The following ITGA9 variants were observed in gnomAD, a reference collection of about 807,000 sequenced individuals.
ITGA9 encodes integrin alpha-9.
ITGA9 carries 56 observed loss-of-function variants against 127.8 expected under a neutral mutation model. The ratio of observed to expected loss-of-function variants is 0.44; its 90% confidence interval spans 0.35 to 0.55. The LOEUF (loss-of-function observed/expected upper bound fraction) is 0.55, where lower values mean the gene tolerates loss of function less well. Among genes scored for constraint, ITGA9 ranks in the 20% least tolerant of loss-of-function variants. The probability of loss-of-function intolerance (pLI) is 0.00; values close to 1 mark genes in which losing one functional copy is unlikely to be tolerated. For missense variants in ITGA9, 1,196 were observed against 1,347.1 expected (o/e 0.89, Z 1.76); for synonymous variants, 508 against 514.5 (o/e 0.99, Z 0.17).
At chr3:37,580,705 C>G (rs985298706) in intron 15 of ITGA9, among the ~76,000 whole-genome samples, 4 of 152,112 alleles carry the variant, frequency 2.6e-5, no homozygotes, top group African/African-American at 2.4e-5. Flanking sequence ...TGGATGTGCT[C>G]CTGTATGGCC....
chr3:37,506,460 T>G (rs1698844747), intron 7 of ITGA9, among the ~76,000 whole-genome samples: 1 of 152,230 alleles, frequency 6.6e-6, no homozygotes, highest in Non-Finnish European at 1.5e-5. Context: ...TTAATGGAGC[T>G]AGGTCCAGTC....
chr3:37,524,629 A>G (rs538095371), intron 12 of ITGA9, among the ~76,000 whole-genome samples: 73 of 152,334 alleles, frequency 4.8e-4, no homozygotes, highest in Non-Finnish European at 7.9e-4. Context: ...AGCATTTAAT[A>G]TGTACAAAAT....
At chr3:37,524,858 T>C (rs762505305) in intron 12 of ITGA9, among the ~76,000 whole-genome samples, 72 of 152,264 alleles carry the variant, frequency 4.7e-4, no homozygotes, top group Non-Finnish European at 1.6e-4. Flanking sequence ...ATTTCTGATC[T>C]TGTGTTTTTC....
At chr3:37,644,215 G>C (rs927648544) in intron 16 of ITGA9, among the ~76,000 whole-genome samples, 1 of 152,292 alleles carries the variant, frequency 6.6e-6, no homozygotes, top group South Asian at 2.1e-4. Context: ...GTCCCATGGG[G>C]CCAGGGCCTC....
intron 1 of ITGA9, among the ~76,000 whole-genome samples, chr3:37,462,715 C>T (rs147028861): frequency 8.2e-4 from 125 of 152,292 alleles, no homozygotes; most frequent in African/African-American, 2.9e-3. Context: ...AGGGCTTCTT[C>T]GGAGGGCATT....
chr3:37,639,862 G>A (rs1272585846), intron 16 of ITGA9, among the ~76,000 whole-genome samples: 1 of 152,126 alleles, frequency 6.6e-6, no homozygotes, highest in Non-Finnish European at 1.5e-5. Flanking sequence ...GGAAGTCCTG[G>A]CTGGTCCGTG....
intron 9 of ITGA9, among the ~76,000 whole-genome samples, chr3:37,515,569 C>G (rs765960021): frequency 2.6e-5 from 4 of 152,168 alleles, no homozygotes; most frequent in Non-Finnish European, 5.9e-5. Context: ...GAAACCCTGT[C>G]TCTACTAAAA....
intron 17 of ITGA9, among the ~76,000 whole-genome samples, chr3:37,673,239 C>T (rs1700653753): frequency 6.6e-6 from 1 of 152,192 alleles, no homozygotes; most frequent in Admixed American, 6.5e-5. Context: ...CCAGAGTTCT[C>T]ACACATGACA....
At chr3:37,594,662 G>A (rs953007251) in intron 15 of ITGA9, among the ~76,000 whole-genome samples, 3 of 152,184 alleles carry the variant, frequency 2.0e-5, no homozygotes, top group Admixed American at 1.3e-4. Context: ...TGTAAATGGT[G>A]ATAACAGTAC....
intron 9 of ITGA9, among the ~76,000 whole-genome samples, chr3:37,516,931 C>T (rs1389234783): frequency 6.6e-6 from 1 of 152,130 alleles, no homozygotes; most frequent in Non-Finnish European, 1.5e-5. Flanking sequence ...AAATTCATAC[C>T]TGAGCCATGC....
At chr3:37,494,227 T>G (rs1272870786) in intron 4 of ITGA9, among the ~76,000 whole-genome samples, 1 of 152,176 alleles carries the variant, frequency 6.6e-6, no homozygotes, top group Non-Finnish European at 1.5e-5. Context: ...TCCCACTTAA[T>G]GACTGTGGCT....
At chr3:37,808,123 G>A (rs559024331) in intron 27 of ITGA9, 2 of 152,116 alleles carry the variant, frequency 1.3e-5, no homozygotes, top group Non-Finnish European at 2.9e-5. Context: ...TCCCACCGCA[G>A]ACCAGCTTTC....
intron 11 of ITGA9, among the ~76,000 whole-genome samples, chr3:37,520,353 A>C (rs1438294838): frequency 5.3e-5 from 8 of 152,034 alleles, no homozygotes. Flanking sequence ...CTTTACCTTT[A>C]ATCCTCGCAG....
intron 15 of ITGA9, among the ~76,000 whole-genome samples, chr3:37,578,621 C>T (rs1699675850): frequency 1.3e-5 from 2 of 152,162 alleles, no homozygotes; most frequent in African/African-American, 2.4e-5. Context: ...AGACCATTCT[C>T]CCATTGGCCC....
intron 8 of ITGA9, among the ~76,000 whole-genome samples, chr3:37,510,545 G>T (rs558638632): frequency 8.2e-4 from 125 of 152,260 alleles, no homozygotes; most frequent in Non-Finnish European, 1.8e-4. Flanking sequence ...TTTGGGGGTA[G>T]ATCTGAGAGT....
At position 37,670,731 on chromosome 3, in the gene ITGA9, A is replaced by G. The variant is rs185256137; in HGVS notation, c.1917-13134A>G. ...TTTTTTTAAAGCATATTGCTAAACT[A>G]CACATTTGTGCTCTCCCCTTTCCCA... On this transcript the variant is annotated intron_variant, in intron 17 of 27. Coordinates refer to ENST00000264741, the MANE Select transcript of ITGA9 (RefSeq NM_002207.3). 4.6e-5 allele frequency among the ~76,000 whole-genome samples: 7 copies of G among 152,334 alleles called. No individual in the cohort carries two copies. In the East Asian group the frequency reaches 9.6e-4, roughly 21 times the overall value.
rs1700210241 is a variant in ITGA9, at chr3:37,629,570, A to G, written c.1839+234A>G. The G allele has an allele frequency of 1.6e-6, 1 of 627,608 alleles. No homozygotes were observed. Among genetic ancestry groups the G allele is most frequent in the Non-Finnish European group, 2.8e-6 (1 of 354,406 alleles). The allele number at this position is 627,608 out of a possible 1,614,324, so 38.9% of individuals were successfully genotyped here. A position where few individuals can be genotyped will look rare whatever the true frequency, so the allele number is the denominator to read the frequency against. ...ACTTTCAGACAATTCTCAGGCTGTTAGAAGTTACAATCCCCTCGAGTTCGT... is the reference window on the plus strand; with the variant it reads ...ACTTTCAGACAATTCTCAGGCTGTTGGAAGTTACAATCCCCTCGAGTTCGT... On this transcript the variant is annotated intron_variant, in intron 16 of 27. Transcript: ENST00000264741. The surrounding 1 kb of genome is among the most constrained non-coding windows in gnomAD (Gnocchi z 4.5).
chr3:37,764,333 T>C (rs1696753990), intron 23 of ITGA9, among the ~76,000 whole-genome samples: 1 of 152,078 alleles, frequency 6.6e-6, no homozygotes, highest in Admixed American at 6.6e-5. Context: ...CTCCTCATCA[T>C]GAATCATTAT....
intron 5 of ITGA9, among the ~76,000 whole-genome samples, chr3:37,501,332 T>C (rs992459667): frequency 5.3e-5 from 8 of 152,188 alleles, no homozygotes; most frequent in African/African-American, 1.9e-4. Flanking sequence ...TTAATGCTTG[T>C]AAAATGTCAT....
Sources: gnomAD v4.1 joint callset for allele counts (sites outside exome capture counted in the v4.1 genomes callset) on GRCh38, gnomAD v4.1.1 for gene constraint, Gnocchi (gnomAD v3.1) non-coding constraint, MANE v1.5 for transcripts, NCBI Gene and HGNC (gene_info 2026-07-23, HGNC 2026-07-21) for gene names.